NRXN3: variants seen among roughly 807,000 people sequenced by gnomAD.
The protein encoded by NRXN3 is neurexin 3, also known as neurexin III.
NRXN3 carries 32 observed loss-of-function variants against 137.6 expected under a neutral mutation model. That is an observed-to-expected ratio of 0.23 (90% CI 0.18 to 0.31). The LOEUF (loss-of-function observed/expected upper bound fraction) is 0.31. Among genes scored for constraint, NRXN3 ranks in the 10% least tolerant of loss-of-function variants. NRXN3 has a pLI of 1.00. For synonymous variants in NRXN3, 798 were observed against 784.5 expected (o/e 1.02, Z -0.29); for missense variants, 1,574 against 2,062.5 (o/e 0.76, Z 4.59).
At chr14:79,754,248 A>C (rs1365103493) in intron 19 of NRXN3, among the ~76,000 whole-genome samples, 1 of 151,990 alleles carries the variant, frequency 6.6e-6, no homozygotes, top group Admixed American at 6.6e-5. Flanking sequence ...AGGCTGAGGC[A>C]TAAGAATCAC....
intron 20 of NRXN3, among the ~76,000 whole-genome samples, chr14:79,806,049 C>T (rs561926286): frequency 7.2e-5 from 11 of 152,218 alleles, no homozygotes; most frequent in Middle Eastern, 3.4e-3. Flanking sequence ...ATAAGTTAAA[C>T]GTTTATATGT....
Position 78,243,811 on chromosome 14 carries a change from C to T in NRXN3, c.709+9C>T. 1.9e-6 allele frequency: 3 copies of T among 1,545,642 alleles called. No homozygotes were observed. Among genetic ancestry groups the T allele is most frequent in the South Asian group, 1.2e-5 (1 of 81,572 alleles). ...CAAGCTCTGCTCAGAAGGTAAGACC[C>T]TCTCCCTCTCTTGCTAGAGACCCAC... is the stretch of plus-strand genomic sequence containing the variant. On this transcript the variant is annotated intron_variant, in intron 2 of 20. Coordinates refer to ENST00000335750, the MANE Select transcript of NRXN3 (RefSeq NM_001330195.2). This position sits in a 1 kb window ranked among gnomAD's most constrained non-coding sequence, Gnocchi z 4.2.
At chr14:79,205,478 C>G (rs2066660140) in intron 15 of NRXN3, among the ~76,000 whole-genome samples, 1 of 152,134 alleles carries the variant, frequency 6.6e-6, no homozygotes, top group African/African-American at 2.4e-5. Flanking sequence ...GTTACTCAAT[C>G]TTATCACCAT....
rs750582858 is a variant in NRXN3 at position 78,966,277 on chromosome 14, G to C, written c.2648G>C (p.Ser883Thr). ...TTTAAGACCAAGAGCAGCTACCTGA[G>C]CCTTGCCACTCTTCAGGCTTACACC... ...VTFKTKSSYLSLATLQAYTSM... is the reference protein window; with the variant it reads ...VTFKTKSSYLTLATLQAYTSM... The change falls in exon 12 of 21, where the codon AGC becomes ACC. Residue 883 changes from serine (S) to threonine (T), a missense_variant. Around this residue, in one of 5 missense-constraint regions of NRXN3, gnomAD observed 718 missense variants for 887.6 expected, o/e 0.81. Transcript: ENST00000335750. 3.1e-6 allele frequency: 5 copies of C among 1,614,220 alleles called. No individual in the cohort carries two copies. Among genetic ancestry groups the C allele is most frequent in the Non-Finnish European group, 3.4e-6 (4 of 1,180,036 alleles).
At chr14:79,294,737 T>C (rs1373090019) in intron 15 of NRXN3, among the ~76,000 whole-genome samples, 2 of 152,134 alleles carry the variant, frequency 1.3e-5, no homozygotes, top group African/African-American at 2.4e-5. Context: ...AAGAAATGCA[T>C]TGGAATTCAT....
At chr14:79,244,871 G>A (rs1424161693) in intron 15 of NRXN3, among the ~76,000 whole-genome samples, 1 of 152,084 alleles carries the variant, frequency 6.6e-6, no homozygotes, top group Non-Finnish European at 1.5e-5. Flanking sequence ...TAAACTCTAG[G>A]GAATAAGGAT....
intron 15 of NRXN3, among the ~76,000 whole-genome samples, chr14:79,189,771 A>C (rs1425478891): frequency 6.6e-6 from 1 of 152,188 alleles, no homozygotes; most frequent in Non-Finnish European, 1.5e-5. Flanking sequence ...GTGCAATCCT[A>C]CATTATTTCA....
At chr14:78,379,129 A>T (rs892917475) in intron 4 of NRXN3, among the ~76,000 whole-genome samples, 1 of 152,206 alleles carries the variant, frequency 6.6e-6, no homozygotes, top group Non-Finnish European at 1.5e-5. Flanking sequence ...TTCATAATTT[A>T]AAAACTCCCA....
intron 4 of NRXN3, among the ~76,000 whole-genome samples, chr14:78,308,128 T>G (rs762653192): frequency 6.6e-6 from 1 of 152,066 alleles, no homozygotes; most frequent in Non-Finnish European, 1.5e-5. Context: ...TTTAAAAAAT[T>G]TGTTCGACTA....
chr14:78,321,149 A>T (rs114027644), intron 4 of NRXN3, among the ~76,000 whole-genome samples: 3,610 of 151,938 alleles, frequency 0.024, 205 homozygotes, highest in African/African-American at 0.083. Context: ...AAAAAAGATC[A>T]CCCAGCCCTA....
At chr14:78,286,063 G>T (rs1408327824) in intron 3 of NRXN3, among the ~76,000 whole-genome samples, 1 of 152,170 alleles carries the variant, frequency 6.6e-6, no homozygotes, top group Non-Finnish European at 1.5e-5. Flanking sequence ...AGAGCCGTTA[G>T]AAATCCCTCC....
chr14:79,153,135 C>T (rs1000133643), intron 15 of NRXN3, among the ~76,000 whole-genome samples: 25 of 151,950 alleles, frequency 1.6e-4, no homozygotes, highest in African/African-American at 3.9e-4. Flanking sequence ...TTTGATTTTC[C>T]GGAAAAACTC....
At chr14:79,658,075 AAATATGT>A (rs1229345272) in intron 16 of NRXN3, among the ~76,000 whole-genome samples, 2 of 152,176 alleles carry the variant, frequency 1.3e-5, no homozygotes, top group Non-Finnish European at 2.9e-5. Flanking sequence ...GGCCTACATA[AAATATGT>A]AATATGTAAC....
chr14:78,871,683 C>T (rs1450926222), intron 10 of NRXN3, among the ~76,000 whole-genome samples: 1 of 152,096 alleles, frequency 6.6e-6, no homozygotes, highest in Non-Finnish European at 1.5e-5. Flanking sequence ...GAAGTCCAAT[C>T]TCCTCTCCAT....
At chr14:79,246,059 T>C (rs2075130999) in intron 15 of NRXN3, among the ~76,000 whole-genome samples, 2 of 152,182 alleles carry the variant, frequency 1.3e-5, no homozygotes, top group African/African-American at 2.4e-5. Flanking sequence ...AAAGAAATAT[T>C]GCTGGAACAC....
At chr14:78,174,708 G>A (rs2059097839) in intron 1 of NRXN3, among the ~76,000 whole-genome samples, 1 of 152,132 alleles carries the variant, frequency 6.6e-6, no homozygotes, top group African/African-American at 2.4e-5. Context: ...GGGAAGGAAG[G>A]CAAGAAGCAG....
intron 1 of NRXN3, among the ~76,000 whole-genome samples, chr14:78,190,652 T>TTTATTTAC (rs1295446008): frequency 0.054 from 3,646 of 67,088 alleles, 72 homozygotes; most frequent in East Asian, 0.19. Flanking sequence ...TATTTATTTA[T>TTTATTTAC]TTACTTACTT....
At chr14:79,450,403 G>T (rs533902230) in intron 15 of NRXN3, among the ~76,000 whole-genome samples, 1 of 152,192 alleles carries the variant, frequency 6.6e-6, no homozygotes, top group South Asian at 2.1e-4. Context: ...ATTGTAAATT[G>T]CAAAATTGCC....
chr14:79,401,364 A>G (rs2095189042), intron 15 of NRXN3, among the ~76,000 whole-genome samples: 2 of 152,108 alleles, frequency 1.3e-5, no homozygotes, highest in South Asian at 4.1e-4. Context: ...CTGGACAGGC[A>G]GCACCAGCAT....
Sources: gnomAD v4.1 joint callset for allele counts (sites outside exome capture counted in the v4.1 genomes callset) on GRCh38, gnomAD v4.1.1 for gene constraint, gnomAD v4.1.1 regional missense constraint, Gnocchi (gnomAD v3.1) non-coding constraint, MANE v1.5 for transcripts, NCBI Gene and HGNC (gene_info 2026-07-23, HGNC 2026-07-21) for gene names.